HABP4: variants seen among roughly 807,000 people sequenced by gnomAD.
HABP4 encodes the protein intracellular hyaluronan-binding protein 4.
In HABP4, 32 loss-of-function variants were observed where a neutral mutation model predicts 44.1. The ratio of observed to expected loss-of-function variants is 0.73; its 90% CI spans 0.55 to 0.97. The LOEUF (loss-of-function observed/expected upper bound fraction) is 0.97, where lower values mean the gene tolerates loss of function less well. Ranked by LOEUF, HABP4 falls within the 50% of genes least tolerant of loss-of-function variation. HABP4 has a pLI of 0.00. For missense variants in HABP4, 503 were observed against 561.9 expected (o/e 0.90, Z 1.06); for synonymous variants, 216 against 218.0 (o/e 0.99, Z 0.08).
intron 5 of HABP4, among the ~76,000 whole-genome samples, chr9:96,476,111 T>TA (rs1214036013): frequency 6.6e-6 from 1 of 152,196 alleles, no homozygotes; most frequent in Non-Finnish European, 1.5e-5. Flanking sequence ...TGTGCCCCCT[T>TA]ATTCCCTGAA....
At chr9:96,451,468 T>C in intron 1 of HABP4, 1 of 985,116 alleles carries the variant, frequency 1.0e-6, no homozygotes. Flanking sequence ...TTTCTTGAAA[T>C]GAGGCAGCGG....
rs1045133120 is a variant in HABP4, at chr9:96,459,503, A to C, written c.512+962A>C. Among the ~76,000 whole-genome samples, 8 of 152,320 alleles carry C rather than the reference A, an allele frequency of 5.3e-5. No homozygotes were observed. In the South Asian group the frequency reaches 1.7e-3, roughly 32 times the overall value. On this transcript the variant is annotated intron_variant, in intron 2 of 7. Coordinates refer to ENST00000375249, the MANE Select transcript of HABP4 (RefSeq NM_014282.4). ...CTTATGTTTGGCACTTGCTGCTTAA[A>C]GTCTTTGTTTAATCATTAAACCTGT...
intron 5 of HABP4, among the ~76,000 whole-genome samples, chr9:96,481,177 C>T (rs970820905): frequency 2.6e-5 from 4 of 152,036 alleles, no homozygotes; most frequent in Admixed American, 6.6e-5. Context: ...CTCCGCCTCC[C>T]GGGTTCAAGC....
intron 5 of HABP4, among the ~76,000 whole-genome samples, chr9:96,472,297 G>A (rs565379873): frequency 1.3e-5 from 2 of 152,250 alleles, no homozygotes; most frequent in South Asian, 2.1e-4. Flanking sequence ...AGGCCTTGGC[G>A]ATCCCCGGTT....
At chr9:96,477,667 A>C (rs1298775588) in intron 5 of HABP4, among the ~76,000 whole-genome samples, 2 of 152,190 alleles carry the variant, frequency 1.3e-5, no homozygotes, top group Non-Finnish European at 2.9e-5. Context: ...ATACATGTCA[A>C]TTGGTTAGTC....
rs1327679916 is a variant in HABP4 at position 96,490,723 on chromosome 9, A to T, written c.*685A>T. 6.6e-6 allele frequency: 1 copy of T among 152,170 alleles called. No homozygotes were observed. The highest frequency in any genetic ancestry group is 1.5e-5 in the Non-Finnish European group (1 of 68,030). The allele number at this position is 152,170 out of a possible 1,614,324, so 9.4% of individuals were successfully genotyped here. A position where few individuals can be genotyped will look rare whatever the true frequency, so the allele number is the denominator to read the frequency against. On this transcript the variant is annotated 3_prime_UTR_variant, in exon 8 of 8. Transcript: ENST00000375249. Reference sequence around the variant, plus strand: ...TGTTTGGGTGGTTTTTAGGAAGAATATTAAGTATGTGACTTCAAAAACCAT... The same window carrying T: ...TGTTTGGGTGGTTTTTAGGAAGAATTTTAAGTATGTGACTTCAAAAACCAT...
intron 5 of HABP4, among the ~76,000 whole-genome samples, chr9:96,474,401 A>G (rs1042233214): frequency 6.6e-6 from 1 of 152,232 alleles, no homozygotes; most frequent in Non-Finnish European, 1.5e-5. Context: ...AGTAAATTAT[A>G]GTATTGTTCT....
Position 96,488,105 on chromosome 9 carries a change from A to G in HABP4, c.1016A>G (p.Tyr339Cys), listed in dbSNP as rs949638321. Residue 339 changes from tyrosine (Y) to cysteine (C), a missense_variant, in exon 7 of 8, where the codon TAT becomes TGT. This residue lies in a region of HABP4 where 131 missense variants were observed against 189.8 expected (regional missense o/e 0.69). Coordinates refer to ENST00000375249, the MANE Select transcript of HABP4 (RefSeq NM_014282.4). This position sits in a 1 kb window ranked among gnomAD's most constrained non-coding sequence, Gnocchi z 4.6. ...GTGTTTCAGATGGTAAAAGATGACT[A>G]TGAGGACGATTCCCATGTTTTCCGG... ...KYRDDMVKDD[Y>C]EDDSHVFRKP... is the part of the protein sequence containing the mutation. 4.3e-6 allele frequency: 7 copies of G among 1,612,260 alleles called. No individual in the cohort carries two copies. The Admixed American group carries it at 5.0e-5, about 12-fold the overall frequency.
intron 3 of HABP4, 61 bp downstream of exon 3, chr9:96,465,559 T>C: frequency 8.1e-7 from 1 of 1,231,774 alleles, no homozygotes; most frequent in Non-Finnish European, 1.2e-6. Flanking sequence ...GGTATGAATC[T>C]ATTATGTGTT....
chr9:96,458,611 T>G, intron 2 of HABP4, 70 bp downstream of exon 2: 3 of 1,041,354 alleles, frequency 2.9e-6, no homozygotes, highest in Non-Finnish European at 4.3e-6. Flanking sequence ...TACTTTCTTT[T>G]TCTTTTCTTT....
chr9:96,456,169 G>A (rs373658556), intron 1 of HABP4, among the ~76,000 whole-genome samples: 2 of 152,156 alleles, frequency 1.3e-5, no homozygotes, highest in African/African-American at 2.4e-5. Flanking sequence ...GATATGAATT[G>A]AATTTAAATA....
In HABP4 at chr9:96,458,693, G is replaced by A. The variant is rs1224286142; in HGVS notation, c.512+152G>A. 33 of 566,292 alleles carry A rather than the reference G, an allele frequency of 5.8e-5. No homozygotes were observed. In the Admixed American group the frequency reaches 8.6e-4, roughly 15 times the overall value. The allele number at this position is 566,292 out of a possible 1,614,324, so 35.1% of individuals were successfully genotyped here. A position where few individuals can be genotyped will look rare whatever the true frequency, so the allele number is the denominator to read the frequency against. ...GGCTGGAGTGCAATGGTGCGATCTC[G>A]GCTCACTGCAACCTCCGCTCCCGGG... On this transcript the variant is annotated intron_variant, in intron 2 of 7. Coordinates refer to ENST00000375249, the MANE Select transcript of HABP4 (RefSeq NM_014282.4).
chr9:96,489,799 T>G (rs1284579800), intron 7 of HABP4, among the ~76,000 whole-genome samples, 183 bp from the exon 8 acceptor site: 1 of 152,210 alleles, frequency 6.6e-6, no homozygotes, highest in Non-Finnish European at 1.5e-5. Flanking sequence ...GCTGGAGGCC[T>G]GTGTGGGAGG....
chr9:96,474,286 T>C (rs1295745039), intron 5 of HABP4, among the ~76,000 whole-genome samples: 1 of 152,240 alleles, frequency 6.6e-6, no homozygotes, highest in Non-Finnish European at 1.5e-5. Flanking sequence ...ACAGTTTATA[T>C]GAATGTTGAG....
chr9:96,479,095 A>AT (rs1832833229), intron 5 of HABP4, among the ~76,000 whole-genome samples: 1 of 152,234 alleles, frequency 6.6e-6, no homozygotes, highest in African/African-American at 2.4e-5. Context: ...AAATACACAC[A>AT]TACACATTAT....
intron 2 of HABP4, 89 bp from the exon 3 acceptor site, chr9:96,465,248 C>A (rs1832579569): frequency 2.5e-6 from 2 of 809,394 alleles, no homozygotes; most frequent in Non-Finnish European, 4.2e-6. Context: ...TTCCAGTATA[C>A]TATAACCATG....
chr9:96,455,925 C>G (rs1047309550), intron 1 of HABP4, among the ~76,000 whole-genome samples: 1 of 151,472 alleles, frequency 6.6e-6, no homozygotes, highest in Non-Finnish European at 1.5e-5. Flanking sequence ...TATGGTGGCA[C>G]ATGTCTGTAA....
Position 96,450,634 on chromosome 9 carries a change from C to T in HABP4, c.349+6C>T, listed in dbSNP as rs983102862. Reference sequence around the variant, plus strand: ...GGGCGGCCTGCAGGCGCCGGGTACGCGGGGACAGCGGGGTTAGCGGACCAC... The same window carrying T: ...GGGCGGCCTGCAGGCGCCGGGTACGTGGGGACAGCGGGGTTAGCGGACCAC... On this transcript the variant is annotated splice_donor_region_variant and intron_variant, in intron 1 of 7. Transcript: ENST00000375249. The surrounding 1 kb of genome is among the most constrained non-coding windows in gnomAD (Gnocchi z 4.8). The T allele has an allele frequency of 1.6e-6, 2 of 1,261,944 alleles. No individual in the cohort carries two copies. Among genetic ancestry groups the T allele is most frequent in the Non-Finnish European group, 2.0e-6 (2 of 1,003,872 alleles). The allele number at this position is 1,261,944 out of a possible 1,614,324, so 78.2% of individuals were successfully genotyped here.
chr9:96,458,693 G>T (rs1224286142), intron 2 of HABP4, 152 bp downstream of exon 2: 2 of 566,406 alleles, frequency 3.5e-6, no homozygotes, highest in South Asian at 4.1e-5. Flanking sequence ...GTGCGATCTC[G>T]GCTCACTGCA....
Sources: allele counts gnomAD v4.1 joint callset (sites outside exome capture counted in the v4.1 genomes callset), GRCh38; gene constraint gnomAD v4.1.1; regional missense constraint gnomAD v4.1.1; non-coding constraint Gnocchi (gnomAD v3.1); transcripts MANE v1.5; gene names NCBI Gene and HGNC (gene_info 2026-07-23, HGNC 2026-07-21).